Variants in VPS13B observed in about 807,000 individuals in gnomAD.
VPS13B encodes the protein intermembrane lipid transfer protein VPS13B.
VPS13B carries 285 observed loss-of-function variants against 426.4 expected under a neutral mutation model. That is an observed-to-expected ratio of 0.67 (90% CI 0.61 to 0.74). The LOEUF is 0.74. Ranked by LOEUF, VPS13B falls within the 30% of genes least tolerant of loss-of-function variation. The probability of loss-of-function intolerance (pLI) is 0.00; values close to 1 mark genes in which losing one functional copy is unlikely to be tolerated. For synonymous variants in VPS13B, 1,676 were observed against 1,676.4 expected (o/e 1.00, Z 0.01); for missense variants, 4,537 against 4,782.6 (o/e 0.95, Z 1.51).
At chr8:99,347,893 T>C (rs1811628009) in intron 19 of VPS13B, 1 of 152,286 alleles carries the variant, frequency 6.6e-6, no homozygotes, top group African/African-American at 2.4e-5. Context: ...AAATTATACT[T>C]TCTGATTTAT....
In VPS13B at chr8:99,876,419, A is replaced by G. The variant is rs1346284248; in HGVS notation, c.*753A>G. On this transcript the variant is annotated 3_prime_UTR_variant, in exon 62 of 62. Coordinates refer to ENST00000357162, the MANE Select transcript of VPS13B (RefSeq NM_152564.5). ...ATTTTAGAAAAAGTGTTCTTCTTCCAGTTTGTTTTACTAAGCAAACTTTGA... is the reference window on the plus strand; with the variant it reads ...ATTTTAGAAAAAGTGTTCTTCTTCCGGTTTGTTTTACTAAGCAAACTTTGA... 1 of 152,332 alleles carries G rather than the reference A, an allele frequency of 6.6e-6. No individual in the cohort carries two copies. The highest frequency in any genetic ancestry group is 1.5e-5 in the Non-Finnish European group (1 of 68,134). The allele number at this position is 152,332 out of a possible 1,614,324, so 9.4% of individuals were successfully genotyped here.
intron 25 of VPS13B, among the ~76,000 whole-genome samples, chr8:99,497,206 T>C (rs1820960173): frequency 7.1e-6 from 1 of 140,558 alleles, no homozygotes; most frequent in South Asian, 2.1e-4. Context: ...ATTTATATAT[T>C]TAATATATAT....
intron 21 of VPS13B, among the ~76,000 whole-genome samples, chr8:99,422,706 A>C (rs1816439003): frequency 6.6e-6 from 1 of 152,194 alleles, no homozygotes. Context: ...ATGTTTTAAA[A>C]AATACAATAA....
intron 35 of VPS13B, among the ~76,000 whole-genome samples, chr8:99,671,678 G>A (rs1228271350): frequency 6.6e-6 from 1 of 152,022 alleles, no homozygotes; most frequent in African/African-American, 2.4e-5. Context: ...ATTTTTGAGT[G>A]ACGGAGTCTC....
intron 30 of VPS13B, among the ~76,000 whole-genome samples, chr8:99,534,633 C>G (rs546462051): frequency 6.6e-6 from 1 of 152,204 alleles, no homozygotes; most frequent in South Asian, 2.1e-4. Flanking sequence ...AGTTTAAAGA[C>G]AAGTGAGAGA....
chr8:99,766,918 G>C lies in VPS13B; in HGVS notation c.7195G>C (p.Asp2399His). ...TGACCAGAAGAAATTAGTATCTTCA[G>C]ATCTTTGGAGAATTGTCTTGAACAG... Reference protein sequence around the residue: ...VNDQKKLVSSDLWRIVLNSSQ... With the variant: ...VNDQKKLVSSHLWRIVLNSSQ... Residue 2399 changes from aspartate (D) to histidine (H), a missense_variant, in exon 40 of 62, where the codon GAT becomes CAT. This residue lies in a region of VPS13B where 4,311 missense variants were observed against 4,474.3 expected (regional missense o/e 0.96). Transcript: ENST00000357162. 1 of 1,613,962 alleles carries C rather than the reference G, an allele frequency of 6.2e-7. No homozygotes were observed. Among genetic ancestry groups the C allele is most frequent in the African/African-American group, 1.3e-5 (1 of 75,040 alleles).
At chr8:99,501,940 C>G in intron 26 of VPS13B, 82 bp downstream of exon 26, 1 of 1,352,830 alleles carries the variant, frequency 7.4e-7, no homozygotes, top group Non-Finnish European at 1.0e-6. Context: ...TCCTTCCTTC[C>G]TTTCTTTTCT....
intron 5 of VPS13B, among the ~76,000 whole-genome samples, chr8:99,108,516 C>A (rs980836328): frequency 6.6e-6 from 1 of 152,076 alleles, no homozygotes; most frequent in Non-Finnish European, 1.5e-5. Flanking sequence ...TTTCCCAGCA[C>A]CATTTATTGA....
intron 34 of VPS13B, among the ~76,000 whole-genome samples, chr8:99,656,772 T>G (rs1257191704): frequency 6.6e-6 from 1 of 152,204 alleles, no homozygotes; most frequent in Non-Finnish European, 1.5e-5. Flanking sequence ...CTGACTCATG[T>G]TATATTTTCT....
chr8:99,722,253 C>G (rs1421000450), intron 39 of VPS13B, among the ~76,000 whole-genome samples: 1 of 152,182 alleles, frequency 6.6e-6, no homozygotes, highest in Non-Finnish European at 1.5e-5. Context: ...CTACTTCATT[C>G]TGTATTGCAT....
intron 58 of VPS13B, among the ~76,000 whole-genome samples, chr8:99,866,645 G>A (rs1473696552): frequency 1.3e-5 from 2 of 152,262 alleles, no homozygotes; most frequent in African/African-American, 4.8e-5. Context: ...TGCATGTGCT[G>A]GAGCAGGTGG....
intron 17 of VPS13B, among the ~76,000 whole-genome samples, chr8:99,220,806 A>G (rs1414626135): frequency 2.0e-5 from 2 of 98,558 alleles, no homozygotes; most frequent in African/African-American, 8.5e-5. Flanking sequence ...TTTTTATTAT[A>G]CTCTAAGTTT....
chr8:99,048,149 G>A (rs1468779854), intron 3 of VPS13B, among the ~76,000 whole-genome samples: 1 of 152,274 alleles, frequency 6.6e-6, no homozygotes, highest in East Asian at 1.9e-4. Context: ...GCATGTATTT[G>A]CATGGTTTTG....
chr8:99,234,485 A>G, intron 17 of VPS13B: 2 of 528,522 alleles, frequency 3.8e-6, no homozygotes, highest in Non-Finnish European at 7.5e-6. Context: ...CCCCGCCCCG[A>G]CTCTACACGC....
At chr8:99,291,624 T>C (rs1054004444) in intron 19 of VPS13B, among the ~76,000 whole-genome samples, 1 of 152,090 alleles carries the variant, frequency 6.6e-6, no homozygotes, top group Admixed American at 6.6e-5. Flanking sequence ...ACAAATGATA[T>C]AATTGATTGG....
intron 34 of VPS13B, 87 bp from the exon 35 acceptor site, chr8:99,661,267 T>C (rs1285967119): frequency 7.6e-5 from 117 of 1,540,034 alleles, no homozygotes; most frequent in Non-Finnish European, 1.0e-4. Context: ...AACCAGTTTT[T>C]CTCTCATTTA....
At position 99,640,037 on chromosome 8, in the gene VPS13B, GA is replaced by G. The variant is rs1563838760; in HGVS notation, c.5221-1772del. ...ATAATAATAATAATAAGAAGAAGAA[GA>G]AGAAGAAGAAGAGAAAAGAAAAGAA... On this transcript the variant is annotated intron_variant, in intron 33 of 61. Coordinates refer to ENST00000357162, the MANE Select transcript of VPS13B (RefSeq NM_152564.5). 8.0e-5 allele frequency among the ~76,000 whole-genome samples: 9 copies of G among 111,978 alleles called. 2 individuals carry two copies. Among genetic ancestry groups the G allele is most frequent in the East Asian group, 4.8e-4 (2 of 4,154 alleles). The allele number at this position is 111,978 out of a possible 152,430, so 73.5% of individuals were successfully genotyped here. A position where few individuals can be genotyped will look rare whatever the true frequency, so the allele number is the denominator to read the frequency against.
rs1343761132 is a variant in VPS13B at position 99,876,820 on chromosome 8, G to GATACT, written c.*1156_*1160dup. The GATACT allele has an allele frequency of 5.3e-5, 8 of 152,194 alleles. No homozygotes were observed. The highest frequency in any genetic ancestry group is 1.9e-4 in the African/African-American group (8 of 41,434). 9.4% of individuals were successfully genotyped at this position (152,194 alleles called of 1,614,324 possible). ...TACAGCTTGTTACCTAGAATTTTGA[G>GATACT]ATACTAAGAGAATGCAATTTTAAAT... On this transcript the variant is annotated 3_prime_UTR_variant, in exon 62 of 62. Transcript: ENST00000357162.
In VPS13B at chr8:99,511,215, C is replaced by T. The variant is rs386834086; in HGVS notation, c.4336C>T (p.Arg1446Ter). Residue 1446 changes from arginine to a stop codon, truncating the protein, a stop_gained, in exon 29 of 62, where the codon CGA becomes TGA. Transcript: ENST00000357162. LOFTEE classifies it high-confidence loss of function. ...VRHKLTSRNE[R>*]RSFHKLSEGL... ...CCACAAGTTAACATCAAGAAATGAG[C>T]GAAGAAGTTTTCATAAGTTATCTGA... The T allele has an allele frequency of 9.3e-6, 15 of 1,613,896 alleles. No individual in the cohort carries two copies. Among genetic ancestry groups the T allele is most frequent in the Non-Finnish European group, 1.1e-5 (13 of 1,179,986 alleles).
Sources: gnomAD v4.1 joint callset for allele counts (sites outside exome capture counted in the v4.1 genomes callset) on GRCh38, gnomAD v4.1.1 for gene constraint, gnomAD v4.1.1 regional missense constraint, MANE v1.5 for transcripts, NCBI Gene and HGNC (gene_info 2026-07-23, HGNC 2026-07-21) for gene names.